XKR6: variants seen among roughly 807,000 people sequenced by gnomAD.
XKR6 encodes XK-related protein 6.
XKR6 carries 22 observed loss-of-function variants against 56.7 expected under a neutral mutation model. The observed-to-expected ratio is 0.39, with a 90% CI of 0.28 to 0.55. The LOEUF (loss-of-function observed/expected upper bound fraction) is 0.55, where lower values mean the gene tolerates loss of function less well. Among genes scored for constraint, XKR6 ranks in the 20% least tolerant of loss-of-function variants. The pLI is 0.66. For synonymous variants in XKR6, 524 were observed against 387.8 expected, an observed-to-expected ratio of 1.35 and a Z score of -4.13; for missense variants, 852 against 889.0, an observed-to-expected ratio of 0.96 and a Z score of 0.53.
At chr8:11,044,582 G>A (rs1302478656) in intron 1 of XKR6, among the ~76,000 whole-genome samples, 1 of 151,786 alleles carries the variant, frequency 6.6e-6, no homozygotes, top group Non-Finnish European at 1.5e-5. Flanking sequence ...TATTCCCTCA[G>A]ATCATCCTCC....
chr8:11,179,991 C>T (rs1201247247), intron 1 of XKR6, among the ~76,000 whole-genome samples: 1 of 151,666 alleles, frequency 6.6e-6, no homozygotes, highest in Admixed American at 6.6e-5. Context: ...AAATAAAAAA[C>T]AGCTGGGCAT....
chr8:11,078,986 C>G (rs781776600), intron 1 of XKR6, among the ~76,000 whole-genome samples: 1 of 152,198 alleles, frequency 6.6e-6, no homozygotes, highest in African/African-American at 2.4e-5. Flanking sequence ...AGGACCACTC[C>G]GGGGCGAGGA....
chr8:10,991,150 T>C (rs1422092130), intron 1 of XKR6, among the ~76,000 whole-genome samples: 2 of 152,118 alleles, frequency 1.3e-5, no homozygotes, highest in Non-Finnish European at 2.9e-5. Flanking sequence ...GTGATCCACC[T>C]GTCTCAGCCT....
At chr8:11,033,167 T>C (rs1288437638) in intron 1 of XKR6, among the ~76,000 whole-genome samples, 2 of 152,018 alleles carry the variant, frequency 1.3e-5, no homozygotes, top group Non-Finnish European at 2.9e-5. Flanking sequence ...GGGTTGATGA[T>C]GATGGTAATG....
At chr8:11,033,441 G>C (rs1799055574) in intron 1 of XKR6, among the ~76,000 whole-genome samples, 1 of 149,564 alleles carries the variant, frequency 6.7e-6, no homozygotes, top group Non-Finnish European at 1.5e-5. Context: ...TGATGATGAT[G>C]GTCGTAATGA....
chr8:11,054,920 C>A (rs1420523869), intron 1 of XKR6, among the ~76,000 whole-genome samples: 4 of 152,128 alleles, frequency 2.6e-5, no homozygotes. Flanking sequence ...CATGCAAAGG[C>A]CCTGTGGGCT....
At chr8:11,014,761 G>C (rs115014308) in intron 1 of XKR6, among the ~76,000 whole-genome samples, 252 of 152,202 alleles carry the variant, frequency 1.7e-3, no homozygotes, top group African/African-American at 5.9e-3. Context: ...AAGCCCTTTT[G>C]GGACCTCCGG....
intron 1 of XKR6, among the ~76,000 whole-genome samples, chr8:11,016,421 C>A (rs1193499173): frequency 6.6e-6 from 1 of 152,160 alleles, no homozygotes; most frequent in Non-Finnish European, 1.5e-5. Flanking sequence ...CCGGACGCAG[C>A]GGGAGTAGCG....
In XKR6 at chr8:10,995,993, T is replaced by C. The variant is rs557284748; in HGVS notation, c.765-71163A>G. ...GGCCTCCATTTCCTTGTTTACATGA[T>C]ATAAAGGGATTTAAATAGATCCTCT... On this transcript the variant is annotated intron_variant, in intron 1 of 2. Transcript: ENST00000416569. 2.0e-3 allele frequency among the ~76,000 whole-genome samples: 300 copies of C among 152,322 alleles called. 2 individuals carry two copies. The highest frequency in any genetic ancestry group is 6.5e-3 in the African/African-American group (271 of 41,570).
At chr8:11,179,901 T>C (rs1802877180) in intron 1 of XKR6, among the ~76,000 whole-genome samples, 2 of 152,194 alleles carry the variant, frequency 1.3e-5, no homozygotes, top group South Asian at 4.1e-4. Context: ...GGGAGGCCGA[T>C]GTAGGGGAAT....
chr8:10,940,785 T>C (rs1801365643), intron 1 of XKR6, among the ~76,000 whole-genome samples: 1 of 152,188 alleles, frequency 6.6e-6, no homozygotes, highest in African/African-American at 2.4e-5. Flanking sequence ...CACATCCCCT[T>C]TGCAATAGGC....
intron 2 of XKR6, among the ~76,000 whole-genome samples, chr8:10,899,428 T>C (rs1426060529): frequency 6.6e-6 from 1 of 152,230 alleles, no homozygotes. Context: ...TGCCTTTTCC[T>C]CACCTCACTC....
At chr8:11,040,360 A>AT (rs1563098362) in intron 1 of XKR6, among the ~76,000 whole-genome samples, 1 of 55,834 alleles carries the variant, frequency 1.8e-5, no homozygotes, top group Non-Finnish European at 3.4e-5. Context: ...CATGTCTGCT[A>AT]AAAAAAAAAA....
chr8:11,175,670 A>G (rs1802619679), intron 1 of XKR6: 2 of 152,174 alleles, frequency 1.3e-5, no homozygotes, highest in South Asian at 4.1e-4. Context: ...ATCCTCAAAA[A>G]CAATTAATTT....
chr8:10,975,118 C>T (rs906786189), intron 1 of XKR6, among the ~76,000 whole-genome samples: 1 of 152,168 alleles, frequency 6.6e-6, no homozygotes, highest in Non-Finnish European at 1.5e-5. Context: ...CCTTGCTGCC[C>T]TGATGCTCCC....
chr8:10,912,306 GTA>G (rs535084135), intron 2 of XKR6, among the ~76,000 whole-genome samples: 5,007 of 54,928 alleles, frequency 0.091, 234 homozygotes, highest in East Asian at 0.11. Context: ...AAGAGAGGGT[GTA>G]TATATATATA....
At chr8:11,141,331 G>C (rs141069735) in intron 1 of XKR6, among the ~76,000 whole-genome samples, 1 of 152,108 alleles carries the variant, frequency 6.6e-6, no homozygotes, top group Non-Finnish European at 1.5e-5. Flanking sequence ...CATAGCACTG[G>C]GAGGCAGGAT....
chr8:10,954,434 T>C (rs1464799546), intron 1 of XKR6, among the ~76,000 whole-genome samples: 1 of 152,258 alleles, frequency 6.6e-6, no homozygotes, highest in African/African-American at 2.4e-5. Context: ...TGTCTTTTCA[T>C]GTGCTTAGTG....
At chr8:11,075,934 G>T (rs1447511416) in intron 1 of XKR6, among the ~76,000 whole-genome samples, 1 of 152,182 alleles carries the variant, frequency 6.6e-6, no homozygotes, top group Non-Finnish European at 1.5e-5. Flanking sequence ...GCTCACAGCA[G>T]CATGATTCTC....
Sources: gnomAD v4.1 joint callset for allele counts (sites outside exome capture counted in the v4.1 genomes callset) on GRCh38, gnomAD v4.1.1 for gene constraint, MANE v1.5 for transcripts, NCBI Gene and HGNC (gene_info 2026-07-23, HGNC 2026-07-21) for gene names.